PSMD4: variants seen among roughly 807,000 people sequenced by gnomAD.
PSMD4 encodes 26S proteasome non-ATPase regulatory subunit 4.
Under a neutral mutation model 39.7 loss-of-function variants are expected in PSMD4, and 5 were observed. That is an observed-to-expected ratio of 0.13 (90% CI 0.07 to 0.26). The LOEUF (loss-of-function observed/expected upper bound fraction) is 0.26. Ranked by LOEUF, PSMD4 falls within the 10% of genes least tolerant of loss-of-function variation. PSMD4 has a pLI of 1.00. For synonymous variants in PSMD4, 143 were observed against 174.6 expected (o/e 0.82, Z 1.43); for missense variants, 272 against 486.1 (o/e 0.56, Z 4.14).
chr1:151,261,978 T>C (rs1222916175), intron 1 of PSMD4, among the ~76,000 whole-genome samples, 183 bp from the exon 2 acceptor site: 4 of 144,118 alleles, frequency 2.8e-5, no homozygotes, highest in Non-Finnish European at 6.1e-5. Flanking sequence ...AAAAAATTCC[T>C]CATTGGTTAT....
intron 1 of PSMD4, among the ~76,000 whole-genome samples, chr1:151,257,543 A>T (rs1375384297): frequency 6.6e-6 from 1 of 151,838 alleles, no homozygotes; most frequent in African/African-American, 2.4e-5. Flanking sequence ...GGCCAATTTT[A>T]ATTAATTAAT....
In PSMD4 at chr1:151,264,019, C is replaced by T. The variant is rs781264881; in HGVS notation, c.273C>T (p.Arg91=). 1.1e-5 allele frequency: 17 copies of T among 1,594,936 alleles called. No homozygotes were observed. Among genetic ancestry groups the T allele is most frequent in the East Asian group, 9.2e-5 (4 of 43,638 alleles). The change falls in exon 3 of 10, where the codon CGC becomes CGT. Residue 91 remains arginine (R), a synonymous_variant. Transcript: ENST00000368884. ...AGATCACCTTCTGCACGGGCATCCG[C>T]GTGGCCCATGTGAGTCCTACTGGGT... ...KGKITFCTGI[R]VAHLALKHRQ...
chr1:151,256,623 G>C (rs1693178126), intron 1 of PSMD4, among the ~76,000 whole-genome samples: 1 of 148,778 alleles, frequency 6.7e-6, no homozygotes, highest in African/African-American at 2.5e-5. Flanking sequence ...TTTTGGTAGA[G>C]ACGGGGTTTC....
chr1:151,265,315 T>C (rs938669366), intron 5 of PSMD4, 79 bp from the exon 6 acceptor site: 1 of 1,593,426 alleles, frequency 6.3e-7, no homozygotes, highest in Non-Finnish European at 8.6e-7. Flanking sequence ...GTGCGGGTAC[T>C]GTGGCAGAGT....
At position 151,265,251 on chromosome 1, in the gene PSMD4, T is replaced by C; in HGVS notation, c.438+17T>C. On this transcript the variant is annotated intron_variant, in intron 5 of 9. Transcript: ENST00000368884. Reference sequence around the variant, plus strand: ...GGGGAAGAGGTGAGTAGGGACTGATTGGAGGGCATTGACTTAATTTGGTCA... The same window carrying C: ...GGGGAAGAGGTGAGTAGGGACTGATCGGAGGGCATTGACTTAATTTGGTCA... 6.2e-7 allele frequency: 1 copy of C among 1,609,352 alleles called. No individual in the cohort carries two copies. Among genetic ancestry groups the C allele is most frequent in the Non-Finnish European group, 8.5e-7 (1 of 1,176,182 alleles).
Position 151,262,162 on chromosome 1 carries a change from G to A in PSMD4, c.28G>A (p.Val10Met). The change falls in exon 2 of 10, where the codon GTG (valine) becomes ATG (methionine). Residue 10 changes from valine (V) to methionine (M), a missense_variant and splice_region_variant. By Grantham distance (21) the Val-to-Met change is conservative (BLOSUM62 1). Transcript: ENST00000368884. ...TGTCCTTCAACCCTAATCTGACAGT[G>A]TGGACAACAGTGAGTATATGCGGAA... MVLESTMVCVDNSEYMRNGD... is the reference protein window; with the variant it reads MVLESTMVCMDNSEYMRNGD... 6.2e-7 allele frequency: 1 copy of A among 1,614,114 alleles called. No individual in the cohort carries two copies. The highest frequency in any genetic ancestry group is 8.5e-7 in the Non-Finnish European group (1 of 1,180,020).
intron 1 of PSMD4, among the ~76,000 whole-genome samples, chr1:151,259,729 A>T (rs1693272122): frequency 6.6e-6 from 1 of 152,052 alleles, no homozygotes; most frequent in Non-Finnish European, 1.5e-5. Context: ...TCTCTATAAA[A>T]TAAAAAATAA....
In PSMD4 at chr1:151,265,102, G is replaced by A. The variant is rs1471726370; in HGVS notation, c.370-64G>A. The A allele has an allele frequency of 1.0e-5, 14 of 1,376,058 alleles. 1 individual carries two copies. Among genetic ancestry groups the A allele is most frequent in the Middle Eastern group, 3.7e-4 (2 of 5,374 alleles). 85.2% of individuals were successfully genotyped at this position (1,376,058 alleles called of 1,614,324 possible). A position where few individuals can be genotyped will look rare whatever the true frequency, so the allele number is the denominator to read the frequency against. ...AATAGATTTCTGTATGCTTTTATGC[G>A]GCGGGTCCTTTCCCCCCCTCGAGTA... On this transcript the variant is annotated intron_variant, in intron 4 of 9. Coordinates refer to ENST00000368884, the MANE Select transcript of PSMD4 (RefSeq NM_002810.4).
At chr1:151,256,602 C>CT (rs1693177683) in intron 1 of PSMD4, among the ~76,000 whole-genome samples, 2 of 150,570 alleles carry the variant, frequency 1.3e-5, no homozygotes, top group South Asian at 4.2e-4. Flanking sequence ...CCACGCCCAG[C>CT]TTTTTTGTAT....
At chr1:151,256,149 G>C (rs1160801872) in intron 1 of PSMD4, among the ~76,000 whole-genome samples, 6 of 151,532 alleles carry the variant, frequency 4.0e-5, no homozygotes, top group African/African-American at 1.5e-4. Context: ...TTACTGACCA[G>C]CCTGGCCAAC....
chr1:151,262,471 G>A (rs894810302), intron 2 of PSMD4, 170 bp downstream of exon 2: 8 of 756,758 alleles, frequency 1.1e-5, no homozygotes, highest in African/African-American at 1.8e-5. Context: ...TGTATTTAAT[G>A]TAGTACGGAA....
At chr1:151,264,761 A>G in intron 3 of PSMD4, 71 bp from the exon 4 acceptor site, 2 of 1,240,796 alleles carry the variant, frequency 1.6e-6, no homozygotes, top group South Asian at 1.3e-5. Context: ...AGAAAAAGGG[A>G]ACCGAGTGAC....
chr1:151,262,368 T>G, intron 2 of PSMD4, 67 bp downstream of exon 2: 1 of 1,592,242 alleles, frequency 6.3e-7, no homozygotes, highest in South Asian at 1.1e-5. Flanking sequence ...CTTCTTTAGA[T>G]TCCATGAAGC....
intron 3 of PSMD4, among the ~76,000 whole-genome samples, 163 bp from the exon 4 acceptor site, chr1:151,264,669 A>C (rs1465600395): frequency 6.6e-6 from 1 of 152,098 alleles, no homozygotes. Context: ...AGAGAGTCAT[A>C]GCAAAAAGGG....
rs966477252 is a variant in PSMD4, at chr1:151,254,819, A to G, written c.26+11A>G. Reference sequence around the variant, plus strand: ...AAGCACTATGGTGTGGTGAGGAGCTACTTCGGGGCAGGAGGGGCAGAGCTG... The same window carrying G: ...AAGCACTATGGTGTGGTGAGGAGCTGCTTCGGGGCAGGAGGGGCAGAGCTG... On this transcript the variant is annotated intron_variant, in intron 1 of 9. Coordinates refer to ENST00000368884, the MANE Select transcript of PSMD4 (RefSeq NM_002810.4). 6.6e-7 allele frequency: 1 copy of G among 1,516,450 alleles called. No individual in the cohort carries two copies. Among genetic ancestry groups the G allele is most frequent in the Non-Finnish European group, 8.8e-7 (1 of 1,139,014 alleles). The allele number at this position is 1,516,450 out of a possible 1,614,324, so 93.9% of individuals were successfully genotyped here.
At chr1:151,265,914 T>A in intron 6 of PSMD4, 90 bp from the exon 7 acceptor site, 1 of 1,456,974 alleles carries the variant, frequency 6.9e-7, no homozygotes. Flanking sequence ...GCTGCCCCTT[T>A]ATGTTCCTTT....
At chr1:151,255,350 A>C (rs1012171024) in intron 1 of PSMD4, among the ~76,000 whole-genome samples, 1 of 152,188 alleles carries the variant, frequency 6.6e-6, no homozygotes, top group Non-Finnish European at 1.5e-5. Context: ...TTTACGGTTC[A>C]GGATACCGAG....
At position 151,265,548 on chromosome 1, in the gene PSMD4, G is replaced by C. The variant is rs1225018582; in HGVS notation, c.593G>C (p.Gly198Ala). The C allele has an allele frequency of 6.2e-7, 1 of 1,614,184 alleles. No homozygotes were observed. The highest frequency in any genetic ancestry group is 2.2e-5 in the East Asian group (1 of 44,890). ...GCTGGTGAAGGTGGTGCCATGCTGG[G>C]TCTTGGTGCCAGTGACTTTGAATTT... ...ILAGEGGAML[G>A]LGASDFEFGV... Residue 198 changes from glycine (G) to alanine (A), a missense_variant, in exon 6 of 10, where the codon GGT (glycine) becomes GCT (alanine). By Grantham distance (60) the Gly-to-Ala change is moderately conservative. Around this residue, in one of 3 missense-constraint regions of PSMD4, gnomAD observed 153 missense variants for 257.6 expected, o/e 0.59. Transcript: ENST00000368884.
At chr1:151,265,659 C>A in intron 6 of PSMD4, 50 bp downstream of exon 6, 1 of 1,560,216 alleles carries the variant, frequency 6.4e-7, no homozygotes, top group South Asian at 1.1e-5. Context: ...TCTTTGTTCT[C>A]TTCTGGCACA....
Sources: allele counts gnomAD v4.1 joint callset (sites outside exome capture counted in the v4.1 genomes callset), GRCh38; gene constraint gnomAD v4.1.1; regional missense constraint gnomAD v4.1.1; transcripts MANE v1.5; gene names NCBI Gene and HGNC (gene_info 2026-07-23, HGNC 2026-07-21).